Variants in TRPM7 observed in about 807,000 individuals in gnomAD.
TRPM7 encodes the protein LTRPC ion channel family member 7.
Under a neutral mutation model 229.7 loss-of-function variants are expected in TRPM7, and 134 were observed. The ratio of observed to expected loss-of-function variants is 0.58; its 90% CI spans 0.51 to 0.67. The LOEUF is 0.67. TRPM7 is among the 30% of genes least tolerant of loss of function. TRPM7 has a pLI of 0.00. For synonymous variants in TRPM7, 699 were observed against 715.2 expected, an observed-to-expected ratio of 0.98 and a Z score of 0.36; for missense variants, 1,901 against 2,210.0, an observed-to-expected ratio of 0.86 and a Z score of 2.80.
chr15:50,595,300 T>G (rs2059604109), intron 23 of TRPM7, among the ~76,000 whole-genome samples: 1 of 151,774 alleles, frequency 6.6e-6, no homozygotes, highest in African/African-American at 2.4e-5. Flanking sequence ...TAGACTTAAG[T>G]GCAAAAGCCC....
chr15:50,618,442 T>C (rs1334834313), intron 13 of TRPM7, among the ~76,000 whole-genome samples: 2 of 151,922 alleles, frequency 1.3e-5, no homozygotes, highest in Non-Finnish European at 2.9e-5. Flanking sequence ...TGGTGGCAGG[T>C]GCCTGTAGTC....
chr15:50,635,249 C>G (rs1479756702), intron 7 of TRPM7, among the ~76,000 whole-genome samples: 2 of 135,492 alleles, frequency 1.5e-5, no homozygotes, highest in Non-Finnish European at 3.0e-5. Flanking sequence ...ACCCAGGAGG[C>G]AGAGGTTGCA....
rs751182320 is a variant in TRPM7, at chr15:50,634,437, T to C, written c.952A>G (p.Thr318Ala). 1 of 1,589,932 alleles carries C rather than the reference T, an allele frequency of 6.3e-7. No individual in the cohort carries two copies. The highest frequency in any genetic ancestry group is 8.5e-7 in the Non-Finnish European group (1 of 1,169,856). The change falls in exon 8 of 39, where the codon ACA becomes GCA. Residue 318 changes from threonine (T) to alanine (A), a missense_variant. By Grantham distance (58) the Thr-to-Ala change is moderately conservative. Transcript: ENST00000646667. ...PPVPVVVCEG[T>A]GRAADLLAYI... is the part of the protein sequence containing the mutation. The stretch of plus-strand genomic sequence containing the variant: ...GCTAGCAGATCTGCAGCTCTGCCTG[T>C]TCCTTCACACACAACTACTGGAACA...
chr15:50,592,645 C>A lies in TRPM7; in HGVS notation c.3609-19G>T. On this transcript the variant is annotated intron_variant, in intron 25 of 38. Transcript: ENST00000646667. The stretch of plus-strand genomic sequence containing the variant: ...TTCCACTCTGTAGGAGAGAAATAAG[C>A]TTTTTTTACAAATGTGAAAAAATAA... 6.9e-7 allele frequency: 1 copy of A among 1,449,208 alleles called. No individual in the cohort carries two copies. Among genetic ancestry groups the A allele is most frequent in the Non-Finnish European group, 9.2e-7 (1 of 1,086,086 alleles). The allele number at this position is 1,449,208 out of a possible 1,614,324, so 89.8% of individuals were successfully genotyped here. A position where few individuals can be genotyped will look rare whatever the true frequency, so the allele number is the denominator to read the frequency against.
rs1489857530 is a variant in TRPM7 at position 50,561,827 on chromosome 15, A to AC, written c.5468-20dup. 1 of 1,494,956 alleles carries AC rather than the reference A, an allele frequency of 6.7e-7. No homozygotes were observed. Among genetic ancestry groups the AC allele is most frequent in the Non-Finnish European group, 8.9e-7 (1 of 1,125,652 alleles). The allele number at this position is 1,494,956 out of a possible 1,614,324, so 92.6% of individuals were successfully genotyped here. On this transcript the variant is annotated intron_variant, in intron 38 of 38. Transcript: ENST00000646667. The stretch of plus-strand genomic sequence containing the variant: ...TTCAGATCTACATTGAACACCCACA[A>AC]CAATTAAAAAAAAAAAAGAAAGAGA...
chr15:50,684,050 C>G (rs2062302029), intron 1 of TRPM7, among the ~76,000 whole-genome samples: 1 of 152,022 alleles, frequency 6.6e-6, no homozygotes, highest in Admixed American at 6.6e-5. Flanking sequence ...CGGGGTTTCA[C>G]CATGTTGGCC....
rs1311559121 is a variant in TRPM7 at position 50,643,554 on chromosome 15, C to T, written c.322-1G>A. On this transcript the variant is annotated splice_acceptor_variant, in intron 4 of 38. Transcript: ENST00000646667. LOFTEE classifies it high-confidence loss of function. ...TGGTGTCATATGATAGCCTCACATA[C>T]TAGAAAAAGATTTTAAAAGGAGAAA... 1 of 1,610,988 alleles carries T rather than the reference C, an allele frequency of 6.2e-7. No homozygotes were observed. Among genetic ancestry groups the T allele is most frequent in the Non-Finnish European group, 8.5e-7 (1 of 1,178,012 alleles).
intron 1 of TRPM7, among the ~76,000 whole-genome samples, chr15:50,668,297 T>C (rs1338517723): frequency 1.3e-5 from 2 of 152,228 alleles, no homozygotes; most frequent in African/African-American, 4.8e-5. Context: ...TGAATTAATG[T>C]AAGACTCATC....
chr15:50,584,655 A>G (rs2054601156), intron 28 of TRPM7, among the ~76,000 whole-genome samples: 1 of 145,356 alleles, frequency 6.9e-6, no homozygotes, highest in Admixed American at 7.0e-5. Flanking sequence ...TATTTGCATT[A>G]TACTCACCCA....
Position 50,657,706 on chromosome 15 carries a change from T to C in TRPM7, c.122+75A>G. On this transcript the variant is annotated intron_variant, in intron 3 of 38. Transcript: ENST00000646667. ...AGCATGTGAGTTTCATGCCACTGTG[T>C]TCTAACTCATATTTCTAATAGATTA... is the stretch of plus-strand genomic sequence containing the variant. 5 of 1,329,122 alleles carry C rather than the reference T, an allele frequency of 3.8e-6. No individual in the cohort carries two copies. In the Admixed American group the frequency reaches 5.4e-5, roughly 14 times the overall value. 82.3% of individuals were successfully genotyped at this position (1,329,122 alleles called of 1,614,324 possible). A position where few individuals can be genotyped will look rare whatever the true frequency, so the allele number is the denominator to read the frequency against.
chr15:50,604,897 G>A lies in TRPM7; in HGVS notation c.2957C>T (p.Ala986Val). 1 of 1,609,736 alleles carries A rather than the reference G, an allele frequency of 6.2e-7. No individual in the cohort carries two copies. The highest frequency in any genetic ancestry group is 8.5e-7 in the Non-Finnish European group (1 of 1,177,494). The stretch of plus-strand genomic sequence containing the variant: ...TCCAATCATCATTACATAAGGTCCT[G>A]CCTGTTGATTTACAGCTAGAAAATC... ...LLDFLAVNQQ[A>V]GPYVMMIGKM... Residue 986 changes from alanine (A) to valine (V), a missense_variant, in exon 21 of 39, where the codon GCA (alanine) becomes GTA (valine). This residue lies in a region of TRPM7 where 207 missense variants were observed against 241.5 expected (regional missense o/e 0.86). Coordinates refer to ENST00000646667, the MANE Select transcript of TRPM7 (RefSeq NM_017672.6).
intron 1 of TRPM7, among the ~76,000 whole-genome samples, chr15:50,684,987 G>C (rs986046977): frequency 6.6e-6 from 1 of 152,164 alleles, no homozygotes; most frequent in Non-Finnish European, 1.5e-5. Flanking sequence ...ATGTTAAAAA[G>C]TCCTTGTCTT....
chr15:50,653,590 A>C, intron 3 of TRPM7, among the ~76,000 whole-genome samples: 1 of 152,196 alleles, frequency 6.6e-6, no homozygotes, highest in East Asian at 1.9e-4. Flanking sequence ...GTAAACCCCC[A>C]TGACTGCACC....
chr15:50,565,907 T>C (rs2141445540), intron 38 of TRPM7, among the ~76,000 whole-genome samples: 1 of 151,808 alleles, frequency 6.6e-6, no homozygotes, highest in East Asian at 1.9e-4. Context: ...CATTGCAACC[T>C]CTGCCTCCCA....
At chr15:50,672,271 T>C (rs1432583206) in intron 1 of TRPM7, among the ~76,000 whole-genome samples, 2 of 152,082 alleles carry the variant, frequency 1.3e-5, no homozygotes, top group South Asian at 2.1e-4. Flanking sequence ...CAGGATGTTC[T>C]GGATCTCCTG....
At chr15:50,665,369 G>A (rs1030499432) in intron 1 of TRPM7, among the ~76,000 whole-genome samples, 1 of 150,128 alleles carries the variant, frequency 6.7e-6, no homozygotes, top group Non-Finnish European at 1.5e-5. Flanking sequence ...ACTCCAGCCT[G>A]GGTGAAAAGA....
chr15:50,584,559 G>T (rs1012374139), intron 28 of TRPM7, among the ~76,000 whole-genome samples: 9 of 151,200 alleles, frequency 6.0e-5, no homozygotes, highest in African/African-American at 1.9e-4. Flanking sequence ...GTAGGTTTGA[G>T]TATTTCTAGT....
chr15:50,629,837 A>G (rs1422359353), intron 10 of TRPM7, among the ~76,000 whole-genome samples: 1 of 150,934 alleles, frequency 6.6e-6, no homozygotes, highest in African/African-American at 2.4e-5. Context: ...ATAATTCATG[A>G]ATATGGTACT....
intron 27 of TRPM7, 128 bp from the exon 28 acceptor site, chr15:50,586,616 GGT>G: frequency 1.8e-6 from 1 of 566,416 alleles, no homozygotes; most frequent in Admixed American, 3.4e-5. Context: ...GACACCAATG[GGT>G]GTATTATAGA....
Sources: allele counts gnomAD v4.1 joint callset (sites outside exome capture counted in the v4.1 genomes callset), GRCh38; gene constraint gnomAD v4.1.1; regional missense constraint gnomAD v4.1.1; transcripts MANE v1.5; gene names NCBI Gene and HGNC (gene_info 2026-07-23, HGNC 2026-07-21).